Variants in PURG observed in about 807,000 individuals in gnomAD.
The protein encoded by PURG is purine rich element binding protein G.
Under a neutral mutation model 24.3 loss-of-function variants are expected in PURG, and 3 were observed. The observed-to-expected ratio is 0.12, with a 90% CI of 0.06 to 0.32. The LOEUF (loss-of-function observed/expected upper bound fraction) is 0.32. PURG is among the 10% of genes least tolerant of loss of function. The pLI, the probability that PURG is intolerant of heterozygous loss-of-function variation, is 1.00. For missense variants in PURG, 371 were observed against 439.1 expected (o/e 0.84, Z 1.39); for synonymous variants, 180 against 173.1 (o/e 1.04, Z -0.31).
intron 1 of PURG, among the ~76,000 whole-genome samples, chr8:31,015,337 C>T (rs778547931): frequency 6.6e-6 from 1 of 151,888 alleles, no homozygotes; most frequent in Non-Finnish European, 1.5e-5. Context: ...ATTTTTTTAA[C>T]CACAATTGAA....
intron 1 of PURG, among the ~76,000 whole-genome samples, chr8:31,000,857 C>T (rs1810524083): frequency 6.6e-6 from 1 of 152,072 alleles, no homozygotes; most frequent in African/African-American, 2.4e-5. Context: ...ACTTTAAAAA[C>T]ATTAACTAAA....
intron 1 of PURG, among the ~76,000 whole-genome samples, chr8:31,022,268 G>A (rs189829023): frequency 1.3e-5 from 2 of 152,226 alleles, no homozygotes; most frequent in East Asian, 1.9e-4. Flanking sequence ...ACCACACCCA[G>A]CCTAAATTCA....
chr8:31,004,412 T>C (rs1423096215), intron 1 of PURG, among the ~76,000 whole-genome samples: 5 of 152,146 alleles, frequency 3.3e-5, no homozygotes, highest in Non-Finnish European at 7.4e-5. Context: ...AAAAATATCC[T>C]TGGCTGGGCA....
Position 31,016,786 on chromosome 8 carries a change from ACT to A in PURG, c.864+15131_864+15132del, listed in dbSNP as rs142730001. On this transcript the variant is annotated intron_variant, in intron 1 of 1. Transcript: ENST00000339382. ...GTATTTTTATTTAATACACCTGCAC[ACT>A]TGTGTTTGAGAATCACTGGACTAAA... Among the ~76,000 whole-genome samples the A allele has an allele frequency of 9.1e-3, 1,391 of 152,082 alleles. 14 individuals are homozygous for A. Among genetic ancestry groups the A allele is most frequent in the African/African-American group, 0.031 (1,306 of 41,496 alleles).
chr8:31,005,310 G>A (rs1445767672), intron 1 of PURG, among the ~76,000 whole-genome samples: 1 of 152,026 alleles, frequency 6.6e-6, no homozygotes, highest in Non-Finnish European at 1.5e-5. Context: ...GCATGTGCCT[G>A]TAGTCCCAGC....
At chr8:30,999,262 A>G (rs1467707309) in intron 1 of PURG, among the ~76,000 whole-genome samples, 4 of 151,906 alleles carry the variant, frequency 2.6e-5, no homozygotes, top group Non-Finnish European at 5.9e-5. Flanking sequence ...TTTATGACCA[A>G]TGAAAACTAA....
intron 1 of PURG, among the ~76,000 whole-genome samples, chr8:30,998,947 T>C (rs60162443): frequency 0.014 from 2,060 of 152,016 alleles, 39 homozygotes; most frequent in African/African-American, 0.047. Flanking sequence ...GCATAATCTA[T>C]ATTGGTGCCA....
chr8:30,996,141 C>T (rs541852902), exon 2 of PURG: 2 of 158,022 alleles, frequency 1.3e-5, no homozygotes, highest in Non-Finnish European at 2.8e-5. Flanking sequence ...CTTTTAAGAA[C>T]AATACGGGAC....
chr8:31,008,855 T>C (rs1198948760), intron 1 of PURG, among the ~76,000 whole-genome samples: 7 of 152,286 alleles, frequency 4.6e-5, no homozygotes, highest in Admixed American at 2.6e-4. Context: ...GTCTGTTCTG[T>C]TTGCACTTTA....
intron 1 of PURG, among the ~76,000 whole-genome samples, chr8:31,009,269 T>C (rs1466125865): frequency 6.6e-6 from 1 of 151,978 alleles, no homozygotes; most frequent in Non-Finnish European, 1.5e-5. Flanking sequence ...TTCCAAAGAA[T>C]ACAAAAATTA....
At chr8:31,029,027 T>C (rs2129847572), downstream of PURG, among the ~76,000 whole-genome samples, 1 of 151,990 alleles carries the variant, frequency 6.6e-6, no homozygotes, top group East Asian at 1.9e-4. Flanking sequence ...GCTCCATGTA[T>C]GTTACAAATG....
In PURG at chr8:31,032,164, C is replaced by T. The variant is rs1811226300; in HGVS notation, c.619G>A (p.Gly207Ser). Residue 207 changes from glycine (G) to serine (S), a missense_variant, in exon 2 of 2, where the codon GGC becomes AGC. Coordinates refer to ENST00000523392, the MANE Select transcript of PURG (RefSeq NM_001323311.2). The surrounding 1 kb of genome is among the most constrained non-coding windows in gnomAD (Gnocchi z 5.9). ...CTGTGGCCAAAATAACCTATCATGC[C>T]AGTCCCCCGCATCATGGTTTGTCTA... ...RIRQTMMRGT[G>S]MIGYFGHSLG... is the part of the protein sequence containing the mutation. 2 of 1,614,238 alleles carry T rather than the reference C, an allele frequency of 1.2e-6. No individual in the cohort carries two copies. The highest frequency in any genetic ancestry group is 1.6e-4 in the Middle Eastern group (1 of 6,062).
At position 31,032,584 on chromosome 8, in the gene PURG, T is replaced by C; in HGVS notation, c.199A>G (p.Ile67Val). 7 of 1,612,116 alleles carry C rather than the reference T, an allele frequency of 4.3e-6. No individual in the cohort carries two copies. Among genetic ancestry groups the C allele is most frequent in the Non-Finnish European group, 5.9e-6 (7 of 1,178,458 alleles). The change falls in exon 2 of 2, where the codon ATC becomes GTC. Residue 67 changes from isoleucine to valine, a missense_variant. Transcript: ENST00000523392. This position sits in a 1 kb window ranked among gnomAD's most constrained non-coding sequence, Gnocchi z 5.9. ...TCTAGGTAAAACCTCTTTTTCTGGA[T>C]GTCCACTCGTTTGGAGGCCAGCTCC... ...IQELASKRVD[I>V]QKKRFYLDVK...
At position 31,032,843 on chromosome 8, in the gene PURG, A is replaced by C; in HGVS notation, c.-6-55T>G. 4 of 1,219,804 alleles carry C rather than the reference A, an allele frequency of 3.3e-6. No homozygotes were observed. Among genetic ancestry groups the C allele is most frequent in the Admixed American group, 3.7e-5 (1 of 27,148 alleles). 75.6% of individuals were successfully genotyped at this position (1,219,804 alleles called of 1,614,324 possible). A position where few individuals can be genotyped will look rare whatever the true frequency, so the allele number is the denominator to read the frequency against. ...GGGTGGGGGAGGGGTGTTGAGAACA[A>C]TCGCAGACGCCCCTCGGCCTGACCG... On this transcript the variant is annotated intron_variant, in intron 1 of 1. Transcript: ENST00000523392. The surrounding 1 kb of genome is among the most constrained non-coding windows in gnomAD (Gnocchi z 5.9).
In PURG at chr8:31,016,577, GAACCAA is replaced by G. The variant is rs1411092336; in HGVS notation, c.864+15336_864+15341del. On this transcript the variant is annotated intron_variant, in intron 1 of 1. Coordinates refer to the PURG transcript ENST00000339382. Reference sequence around the variant, plus strand: ...GGAAGAAAGAATGCAAGTCTACCAAGAACCAAAAAAAAAAAAAAAAAAAAAAAAAAA... The same window carrying G: ...GGAAGAAAGAATGCAAGTCTACCAAGAAAAAAAAAAAAAAAAAAAAAAAAA... 5.4e-4 allele frequency among the ~76,000 whole-genome samples: 20 copies of G among 37,336 alleles called. 1 individual carries two copies. Among genetic ancestry groups the G allele is most frequent in the Admixed American group, 1.0e-3 (3 of 2,990 alleles). 24.5% of individuals were successfully genotyped at this position (37,336 alleles called of 152,430 possible).
chr8:31,020,085 C>G (rs931006127), intron 1 of PURG, among the ~76,000 whole-genome samples: 1 of 151,952 alleles, frequency 6.6e-6, no homozygotes. Flanking sequence ...GCTGGAGAAT[C>G]GCTTGAACCT....
At chr8:31,006,338 T>C (rs1396191666) in intron 1 of PURG, among the ~76,000 whole-genome samples, 2 of 152,162 alleles carry the variant, frequency 1.3e-5, no homozygotes, top group African/African-American at 4.8e-5. Flanking sequence ...CTCACGGCTG[T>C]AATCCCAGCA....
intron 1 of PURG, among the ~76,000 whole-genome samples, chr8:31,013,740 AAT>A (rs1810805903): frequency 6.6e-6 from 1 of 152,212 alleles, no homozygotes; most frequent in Admixed American, 6.5e-5. Context: ...TGTCTCAAAA[AAT>A]AAAAGGTTCC....
chr8:31,032,764 T>C lies in PURG; in HGVS notation c.19A>G (p.Arg7Gly). ...CGGCCGCGGCCGCCGCCGCCTCCCC[T>C]TCGCCTGGCTCTTTCCATCTTCAGC... Reference protein sequence around the residue: MERARRRGGGGGRGRGG... With the variant: MERARRGGGGGGRGRGG... Residue 7 changes from arginine (R) to glycine (G), a missense_variant, in exon 2 of 2, where the codon AGG becomes GGG. Physicochemically the swap from Arg to Gly is moderately radical, Grantham distance 125 (BLOSUM62 -2). Coordinates refer to ENST00000523392, the MANE Select transcript of PURG (RefSeq NM_001323311.2). The surrounding 1 kb of genome is among the most constrained non-coding windows in gnomAD (Gnocchi z 5.9). 7.0e-7 allele frequency: 1 copy of C among 1,431,804 alleles called. No homozygotes were observed. Among genetic ancestry groups the C allele is most frequent in the Non-Finnish European group, 9.2e-7 (1 of 1,090,910 alleles). 88.7% of individuals were successfully genotyped at this position (1,431,804 alleles called of 1,614,324 possible).
Sources: gnomAD v4.1 joint callset for allele counts (sites outside exome capture counted in the v4.1 genomes callset) on GRCh38, gnomAD v4.1.1 for gene constraint, Gnocchi (gnomAD v3.1) non-coding constraint, MANE v1.5 for transcripts, NCBI Gene and HGNC (gene_info 2026-07-23, HGNC 2026-07-21) for gene names.